Variants in TAF9 observed in about 807,000 individuals in gnomAD.
TAF9 encodes the protein TATA-box binding protein associated factor 9, also known as transcription initiation factor TFIID subunit 9.
TAF9 carries 10 observed loss-of-function variants against 16.5 expected under a neutral mutation model. That is an observed-to-expected ratio of 0.61 (90% CI 0.37 to 1.03). The LOEUF (loss-of-function observed/expected upper bound fraction) is 1.03. Ranked by LOEUF, TAF9 falls within the 50% of genes least tolerant of loss-of-function variation. The pLI is 0.01. For missense variants in TAF9, 288 were observed against 319.1 expected, an observed-to-expected ratio of 0.90 and a Z score of 0.74; for synonymous variants, 105 against 120.5, an observed-to-expected ratio of 0.87 and a Z score of 0.84.
intron 1 of TAF9, among the ~76,000 whole-genome samples, chr5:69,368,113 A>G (rs1378094461): frequency 6.6e-6 from 1 of 152,204 alleles, no homozygotes; most frequent in Non-Finnish European, 1.5e-5. Flanking sequence ...ACTGTAAACC[A>G]GTTTCCTTTC....
chr5:69,365,313 C>T lies in TAF9; in HGVS notation c.425G>A (p.Arg142Lys), dbSNP rs1006616410. 5.6e-6 allele frequency: 9 copies of T among 1,614,110 alleles called. No homozygotes were observed. The African/African-American group carries it at 1.1e-4, about 19-fold the overall frequency. Residue 142 changes from arginine (R) to lysine (K), a missense_variant, in exon 3 of 3, where the codon AGA (arginine) becomes AAA (lysine). Transcript: ENST00000217893. ...AACACTTAACCGCGGGACTGTTATT[C>T]TTCCCGCAGAAGTTGATGCCTTTTT... ...LQKKASTSAG[R>K]ITVPRLSVGS...
At chr5:69,367,585 A>G (rs1762506676) in intron 1 of TAF9, among the ~76,000 whole-genome samples, 1 of 151,664 alleles carries the variant, frequency 6.6e-6, no homozygotes, top group Non-Finnish European at 1.5e-5. Flanking sequence ...AAGACAAGAT[A>G]TCTCTTTGTT....
upstream of TAF9, chr5:69,369,636 C>A: frequency 6.4e-7 from 1 of 1,564,802 alleles, no homozygotes; most frequent in African/African-American, 1.4e-5. Flanking sequence ...CCCGGCGGCC[C>A]AGCCGCGGCC....
At chr5:69,366,670 C>G in intron 1 of TAF9, 75 bp from the exon 2 acceptor site, 2 of 1,120,582 alleles carry the variant, frequency 1.8e-6, no homozygotes, top group Non-Finnish European at 2.7e-6. Context: ...TCTGCCTTTC[C>G]TTTTATTTTT....
At chr5:69,367,084 T>C (rs1561222121) in intron 1 of TAF9, among the ~76,000 whole-genome samples, 1 of 151,918 alleles carries the variant, frequency 6.6e-6, no homozygotes, top group Non-Finnish European at 1.5e-5. Context: ...TGTACTACGA[T>C]CTAATAAAAA....
At chr5:69,369,226 ACC>A (rs200123392) in intron 1 of TAF9, 16 of 124,428 alleles carry the variant, frequency 1.3e-4, no homozygotes, top group East Asian at 2.6e-4. Context: ...ACCTCTCTCC[ACC>A]CCCCCCCGCC....
At chr5:69,369,231 C>CCA in intron 1 of TAF9, 1 of 99,436 alleles carries the variant, frequency 1.0e-5, no homozygotes, top group South Asian at 2.8e-4. Flanking sequence ...TCTCCACCCC[C>CCA]CCCCGCCCCC....
At chr5:69,368,388 G>A (rs939727417) in intron 1 of TAF9, among the ~76,000 whole-genome samples, 1 of 152,060 alleles carries the variant, frequency 6.6e-6, no homozygotes, top group Non-Finnish European at 1.5e-5. Flanking sequence ...GGAGAATAAC[G>A]GTCACCTCAA....
In TAF9 at chr5:69,365,706, C is replaced by T. The variant is rs988182016; in HGVS notation, c.32G>A (p.Ser11Asn). Residue 11 changes from serine (S) to asparagine (N), a missense_variant, in exon 3 of 3, where the codon AGC becomes AAC. Ser to Asn is a conservative substitution (Grantham distance 46). Coordinates refer to ENST00000217893, the MANE Select transcript of TAF9 (RefSeq NM_003187.5). Reference protein sequence around the residue: MESGKTASPKSMPKDAQMMAQ... With the variant: MESGKTASPKNMPKDAQMMAQ... ...CATCATCTGTGCATCTTTCGGCATG[C>T]TCTTGGGAGAAGCCGTCTTGCCAGA... The T allele has an allele frequency of 1.7e-5, 26 of 1,571,874 alleles. No individual in the cohort carries two copies. Among genetic ancestry groups the T allele is most frequent in the Non-Finnish European group, 2.2e-5 (25 of 1,157,856 alleles).
At chr5:69,369,553 C>G (rs1762775032), upstream of TAF9, 1 of 1,609,094 alleles carries the variant, frequency 6.2e-7, no homozygotes. Context: ...AGGGAGGAGC[C>G]GGAAGGGGCG....
chr5:69,368,166 T>C (rs374877857), intron 1 of TAF9, among the ~76,000 whole-genome samples: 72 of 152,312 alleles, frequency 4.7e-4, no homozygotes, highest in African/African-American at 1.6e-3. Context: ...TGTACATATA[T>C]GTACATACTC....
chr5:69,366,477 AAATCT>A, intron 2 of TAF9, 21 bp downstream of exon 2: 1 of 1,593,102 alleles, frequency 6.3e-7, no homozygotes, highest in African/African-American at 1.3e-5. Flanking sequence ...AAAACAAAAC[AAATCT>A]AACACCAAAG....
Position 69,365,565 on chromosome 5 carries a change from G to C in TAF9, c.173C>G (p.Ser58Ter), listed in dbSNP as rs150010364. 69 of 1,614,006 alleles carry C rather than the reference G, an allele frequency of 4.3e-5. No individual in the cohort carries two copies. Among genetic ancestry groups the C allele is most frequent in the Non-Finnish European group, 5.4e-5 (64 of 1,179,962 alleles). Residue 58 changes from serine to a stop codon, truncating the protein, a stop_gained, in exon 3 of 3, where the codon TCA becomes TGA. Transcript: ENST00000217893. LOFTEE classifies it high-confidence loss of function. The stretch of plus-strand genomic sequence containing the variant: ...AACAGTAGCTTTCTTAGCATGGCTT[G>C]AATAAATTTTTGCATCATCTAGAAT... The part of the protein sequence containing the change: ...TTILDDAKIY[S>*]SHAKKATVDA...
Position 69,365,769 on chromosome 5 carries a change from A to G in TAF9, c.-17-15T>C, listed in dbSNP as rs941882976. ...CGATGATCAGACTTTAGATCATTTGAAAAAAATATGTACATTAGATCAATC... is the reference window on the plus strand; with the variant it reads ...CGATGATCAGACTTTAGATCATTTGGAAAAAATATGTACATTAGATCAATC... On this transcript the variant is annotated splice_polypyrimidine_tract_variant and intron_variant, in intron 2 of 2. Transcript: ENST00000217893. 1 of 1,482,822 alleles carries G rather than the reference A, an allele frequency of 6.7e-7. No individual in the cohort carries two copies. Among genetic ancestry groups the G allele is most frequent in the Non-Finnish European group, 9.0e-7 (1 of 1,109,608 alleles). The allele number at this position is 1,482,822 out of a possible 1,614,324, so 91.9% of individuals were successfully genotyped here. A position where few individuals can be genotyped will look rare whatever the true frequency, so the allele number is the denominator to read the frequency against.
Position 69,365,443 on chromosome 5 carries a change from T to C in TAF9, c.295A>G (p.Arg99Gly). The change falls in exon 3 of 3, where the codon AGA becomes GGA. Residue 99 changes from arginine to glycine, a missense_variant. Arg to Gly is a moderately radical substitution (Grantham distance 125). Transcript: ENST00000217893. The part of the protein sequence containing the change: ...RDFLLDIARQ[R>G]NQTPLPLIKP... The stretch of plus-strand genomic sequence containing the variant: ...ATCAATGGCAAAGGGGTTTGATTTC[T>C]TTGCCTTGCAATATCTAATAAAAAA... 6.2e-7 allele frequency: 1 copy of C among 1,614,248 alleles called. No homozygotes were observed. Among genetic ancestry groups the C allele is most frequent in the Non-Finnish European group, 8.5e-7 (1 of 1,180,052 alleles).
rs565395344 is a variant in TAF9 at position 69,368,509 on chromosome 5, T to C, written c.-111+954A>G. Among the ~76,000 whole-genome samples, 22 of 152,268 alleles carry C rather than the reference T, an allele frequency of 1.4e-4. 1 individual carries two copies. In the South Asian group the frequency reaches 4.1e-3, roughly 29 times the overall value. On this transcript the variant is annotated intron_variant, in intron 1 of 2. Coordinates refer to ENST00000217893, the MANE Select transcript of TAF9 (RefSeq NM_003187.5). ...TAACCAGGGCACTATGTTTGATCCA[T>C]GCAAAAAGATGTAAAATCTTCCGCT...
At position 69,369,493 on chromosome 5, in the gene TAF9, TC is replaced by T. The variant is rs1223734603; in HGVS notation, c.-142del. ...AGCAGGATGTTCGGAAGCAACATGGTCCCCGCCGCGACGGCTTCGGGCGCCT... is the reference window on the plus strand; with the variant it reads ...AGCAGGATGTTCGGAAGCAACATGGTCCCGCCGCGACGGCTTCGGGCGCCT... On this transcript the variant is annotated 5_prime_UTR_variant, in exon 1 of 3. Transcript: ENST00000217893. 2.5e-6 allele frequency: 4 copies of T among 1,611,150 alleles called. No homozygotes were observed. The highest frequency in any genetic ancestry group is 1.3e-5 in the African/African-American group (1 of 74,752).
intron 2 of TAF9, 72 bp from the exon 3 acceptor site, chr5:69,365,826 A>T: frequency 8.7e-7 from 1 of 1,144,328 alleles, no homozygotes. Flanking sequence ...AACTGTCAGG[A>T]ACTTAAAAAA....
In TAF9 at chr5:69,365,541, A is replaced by T. The variant is rs1364489036; in HGVS notation, c.197T>A (p.Val66Asp). The T allele has an allele frequency of 6.8e-6, 11 of 1,613,904 alleles. No homozygotes were observed. The highest frequency in any genetic ancestry group is 7.6e-6 in the Non-Finnish European group (9 of 1,179,950). Residue 66 changes from valine (V) to aspartate (D), a missense_variant, in exon 3 of 3, where the codon GTT becomes GAT. Coordinates refer to ENST00000217893, the MANE Select transcript of TAF9 (RefSeq NM_003187.5). ...IYSSHAKKAT[V>D]DADDVRLAIQ... ...TGCCAATCGCACATCATCTGCATCA[A>T]CAGTAGCTTTCTTAGCATGGCTTGA...
Sources: allele counts gnomAD v4.1 joint callset (sites outside exome capture counted in the v4.1 genomes callset), GRCh38; gene constraint gnomAD v4.1.1; transcripts MANE v1.5; gene names NCBI Gene and HGNC (gene_info 2026-07-23, HGNC 2026-07-21).